The following TLN2 variants were observed in gnomAD, a reference collection of about 807,000 sequenced individuals.
TLN2 encodes the protein talin 2, also known as talin-2.
In TLN2, 118 loss-of-function variants were observed where a neutral mutation model predicts 294.7. The ratio of observed to expected loss-of-function variants is 0.40; its 90% CI spans 0.34 to 0.47. TLN2 has a LOEUF of 0.47. Ranked by LOEUF, TLN2 falls within the 20% of genes least tolerant of loss-of-function variation. The probability of loss-of-function intolerance (pLI) is 0.84; values close to 1 mark genes in which losing one functional copy is unlikely to be tolerated. For synonymous variants in TLN2, 1,431 were observed against 1,304.5 expected (o/e 1.10, Z -2.09); for missense variants, 3,083 against 3,282.2 (o/e 0.94, Z 1.48).
rs554955150 is a variant in TLN2, at chr15:62,763,547, G to C, written c.4962-16G>C. On this transcript the variant is annotated splice_polypyrimidine_tract_variant and intron_variant, in intron 39 of 58. Coordinates refer to ENST00000636159, the MANE Select transcript of TLN2 (RefSeq NM_015059.3). Reference sequence around the variant, plus strand: ...GCCCCATGGAGCCTGTGTCCAACTTGCACTATTCCTTCCAGGGACAAGGCC... The same window carrying C: ...GCCCCATGGAGCCTGTGTCCAACTTCCACTATTCCTTCCAGGGACAAGGCC... 1.9e-6 allele frequency: 3 copies of C among 1,599,180 alleles called. No homozygotes were observed. Among genetic ancestry groups the C allele is most frequent in the Non-Finnish European group, 2.6e-6 (3 of 1,169,646 alleles).
At chr15:62,784,719 G>C (rs987527495) in intron 45 of TLN2, 1 of 152,230 alleles carries the variant, frequency 6.6e-6, no homozygotes, top group Non-Finnish European at 1.5e-5. Flanking sequence ...AAGATTAATG[G>C]AGTGGATTAC....
At chr15:62,788,432 TC>T (rs1387188484) in intron 45 of TLN2, among the ~76,000 whole-genome samples, 3 of 152,222 alleles carry the variant, frequency 2.0e-5, no homozygotes, top group Admixed American at 1.3e-4. Context: ...CCCTAGCTGT[TC>T]CATGTGCCTC....
intron 1 of TLN2, among the ~76,000 whole-genome samples, chr15:62,425,294 G>A (rs1169538104): frequency 6.6e-6 from 1 of 151,612 alleles, no homozygotes; most frequent in Admixed American, 6.6e-5. Flanking sequence ...CTAATGTGCT[G>A]CTGCTAGGGG....
At chr15:62,589,944 C>T (rs1164431900) in intron 2 of TLN2, among the ~76,000 whole-genome samples, 182 bp downstream of exon 2, 2 of 152,114 alleles carry the variant, frequency 1.3e-5, no homozygotes, top group African/African-American at 2.4e-5. Context: ...CTGATTTTTC[C>T]TCCTGGTAGC....
rs772288412 is a variant in TLN2 at position 62,724,979 on chromosome 15, C to T, written c.3130C>T (p.His1044Tyr). ...ATATTTCCAACTCTGTTGGCAGGCCCATGAAGCTTGTGGTCCGATGGAAAT... is the reference window on the plus strand; with the variant it reads ...ATATTTCCAACTCTGTTGGCAGGCCTATGAAGCTTGTGGTCCGATGGAAAT... Reference protein sequence around the residue: ...AELRTASQKAHEACGPMEIDS... With the variant: ...AELRTASQKAYEACGPMEIDS... The change falls in exon 27 of 59, where the codon CAT becomes TAT. Residue 1044 changes from histidine to tyrosine, a missense_variant. By Grantham distance (83) the His-to-Tyr change is moderately conservative. Transcript: ENST00000636159. 8 of 1,611,082 alleles carry T rather than the reference C, an allele frequency of 5.0e-6. No homozygotes were observed. In the Admixed American group the frequency reaches 1.3e-4, roughly 27 times the overall value.
At chr15:62,579,830 G>C (rs980486327) in intron 1 of TLN2, among the ~76,000 whole-genome samples, 1 of 152,208 alleles carries the variant, frequency 6.6e-6, no homozygotes, top group Admixed American at 6.5e-5. Context: ...CTGAGGTTAC[G>C]AGCATGTAGG....
chr15:62,392,947 G>A (rs2032221642), intron 1 of TLN2, among the ~76,000 whole-genome samples: 1 of 152,138 alleles, frequency 6.6e-6, no homozygotes, highest in Admixed American at 6.5e-5. Context: ...AGAGGATGGC[G>A]GTGGGTGTGA....
At chr15:62,765,843 G>C (rs183756665) in intron 40 of TLN2, among the ~76,000 whole-genome samples, 67 of 152,336 alleles carry the variant, frequency 4.4e-4, no homozygotes, top group Non-Finnish European at 6.0e-4. Flanking sequence ...ACAGTGCACT[G>C]TTTGGGAAGT....
rs570341989 is a variant in TLN2 at position 62,843,704 on chromosome 15, T to A, written c.*3094T>A. 1 of 152,316 alleles carries A rather than the reference T, an allele frequency of 6.6e-6. No individual in the cohort carries two copies. The highest frequency in any genetic ancestry group is 2.1e-4 in the South Asian group (1 of 4,824). The allele number at this position is 152,316 out of a possible 1,614,324, so 9.4% of individuals were successfully genotyped here. A position where few individuals can be genotyped will look rare whatever the true frequency, so the allele number is the denominator to read the frequency against. On this transcript the variant is annotated 3_prime_UTR_variant, in exon 59 of 59. Coordinates refer to ENST00000636159, the MANE Select transcript of TLN2 (RefSeq NM_015059.3). Reference sequence around the variant, plus strand: ...AGCCTGTTCCTAATTTATCAAAAAATTATAACCAAAATTCACCATAGCCTA... The same window carrying A: ...AGCCTGTTCCTAATTTATCAAAAAAATATAACCAAAATTCACCATAGCCTA...
At chr15:62,748,489 C>CTG (rs755040243) in intron 33 of TLN2, 45 bp downstream of exon 33, 2 of 1,417,016 alleles carry the variant, frequency 1.4e-6, no homozygotes, top group Non-Finnish European at 2.0e-6. Flanking sequence ...GAGGGAGTGT[C>CTG]TGTGTCTGTG....
intron 1 of TLN2, among the ~76,000 whole-genome samples, chr15:62,416,982 C>A (rs1322958261): frequency 6.6e-6 from 1 of 152,172 alleles, no homozygotes. Context: ...TCCAGAACAT[C>A]CCGGCCAGCA....
rs1337308325 is a variant in TLN2 at position 62,753,844 on chromosome 15, G to A, written c.4404G>A (p.Gln1468=). ...AGHQGLVDPI[Q]FARANQAIQM... ...ACCAGGGCCTGGTGGACCCCATCCA[G>A]TTTGCCAGGGCTAACCAGGCCATCC... Residue 1468 remains glutamine (Q), a synonymous_variant, in exon 36 of 59, where the codon CAG becomes CAA. Coordinates refer to ENST00000636159, the MANE Select transcript of TLN2 (RefSeq NM_015059.3). 6.2e-7 allele frequency: 1 copy of A among 1,612,486 alleles called. No individual in the cohort carries two copies. The highest frequency in any genetic ancestry group is 8.5e-7 in the Non-Finnish European group (1 of 1,179,416).
intron 2 of TLN2, among the ~76,000 whole-genome samples, chr15:62,600,428 C>T (rs1458902305): frequency 1.3e-5 from 2 of 152,202 alleles, no homozygotes; most frequent in Non-Finnish European, 2.9e-5. Flanking sequence ...AGCAAGTGGA[C>T]TTTTCCTGCA....
At chr15:62,750,566 G>T in intron 34 of TLN2, 75 bp downstream of exon 34, 1 of 1,284,724 alleles carries the variant, frequency 7.8e-7, no homozygotes, top group Non-Finnish European at 1.1e-6. Flanking sequence ...CGTGCCTTCT[G>T]TGCATCTGCC....
At chr15:62,816,569 T>C (rs74020671) in intron 52 of TLN2, among the ~76,000 whole-genome samples, 2,169 of 152,350 alleles carry the variant, frequency 0.014, 38 homozygotes, top group African/African-American at 0.04. Flanking sequence ...CACTTCTCAC[T>C]GAAGGCCCTC....
intron 24 of TLN2, among the ~76,000 whole-genome samples, chr15:62,719,390 G>C (rs1023401260): frequency 3.9e-5 from 6 of 152,188 alleles, no homozygotes; most frequent in Admixed American, 2.0e-4. Context: ...TGAACATGGG[G>C]CTGTACACTT....
chr15:62,713,330 T>C (rs957965549), intron 22 of TLN2, among the ~76,000 whole-genome samples: 17 of 149,724 alleles, frequency 1.1e-4, no homozygotes, highest in African/African-American at 4.2e-4. Flanking sequence ...TCTTACCTCA[T>C]CTCCCTGGCT....
intron 11 of TLN2, among the ~76,000 whole-genome samples, chr15:62,680,584 T>A (rs1480847038): frequency 2.0e-5 from 3 of 152,044 alleles, no homozygotes; most frequent in Non-Finnish European, 4.4e-5. Context: ...AGGGATACTT[T>A]TTTTTTTTTC....
At position 62,843,837 on chromosome 15, in the gene TLN2, TCA is replaced by T. The variant is rs2070945682; in HGVS notation, c.*3231_*3232del. On this transcript the variant is annotated 3_prime_UTR_variant, in exon 59 of 59. Transcript: ENST00000636159. ...GCCATGGTCTCTGCTCCTGGGGAACTCACACGCTGACCCCCGAGGAGCCTTGG... is the reference window on the plus strand; with the variant it reads ...GCCATGGTCTCTGCTCCTGGGGAACTCACGCTGACCCCCGAGGAGCCTTGG... 1 of 152,160 alleles carries T rather than the reference TCA, an allele frequency of 6.6e-6. No individual in the cohort carries two copies. Among genetic ancestry groups the T allele is most frequent in the Non-Finnish European group, 1.5e-5 (1 of 68,034 alleles). The allele number at this position is 152,160 out of a possible 1,614,324, so 9.4% of individuals were successfully genotyped here. A position where few individuals can be genotyped will look rare whatever the true frequency, so the allele number is the denominator to read the frequency against.
Sources: gnomAD v4.1 joint callset for allele counts (sites outside exome capture counted in the v4.1 genomes callset) on GRCh38, gnomAD v4.1.1 for gene constraint, MANE v1.5 for transcripts, NCBI Gene and HGNC (gene_info 2026-07-23, HGNC 2026-07-21) for gene names.